The following ADGRV1 variants were observed in gnomAD, a reference collection of about 807,000 sequenced individuals.
The protein encoded by ADGRV1 is adhesion G protein-coupled receptor V1.
Under a neutral mutation model 596.2 loss-of-function variants are expected in ADGRV1, and 359 were observed. The observed-to-expected ratio is 0.60, with a 90% CI of 0.55 to 0.66. The LOEUF (loss-of-function observed/expected upper bound fraction) is 0.66. Ranked by LOEUF, ADGRV1 falls within the 30% of genes least tolerant of loss-of-function variation. The pLI is 0.00. For missense variants in ADGRV1, 7,274 were observed against 7,575.6 expected (o/e 0.96, Z 1.48); for synonymous variants, 2,681 against 2,679.2 (o/e 1.00, Z -0.02).
At chr5:90,625,346 A>G (rs902879721) in intron 6 of ADGRV1, 103 bp downstream of exon 6, 3 of 645,288 alleles carry the variant, frequency 4.6e-6, no homozygotes, top group South Asian at 2.1e-5. Context: ...TCAGCTATAA[A>G]TAGCTGACTG....
At chr5:90,842,675 G>A (rs1224702835) in intron 78 of ADGRV1, among the ~76,000 whole-genome samples, 3 of 151,966 alleles carry the variant, frequency 2.0e-5, no homozygotes, top group Non-Finnish European at 4.4e-5. Context: ...CCGAGATGGT[G>A]CCACTGCTCT....
chr5:90,865,135 CTGAT>C (rs1329151078), intron 83 of ADGRV1, among the ~76,000 whole-genome samples: 1 of 152,068 alleles, frequency 6.6e-6, no homozygotes, highest in Middle Eastern at 3.2e-3. Context: ...GCAGAGGTCT[CTGAT>C]TGGTTTTTTA....
chr5:90,607,755 G>A (rs567490800), intron 1 of ADGRV1, among the ~76,000 whole-genome samples: 2 of 152,220 alleles, frequency 1.3e-5, no homozygotes, highest in African/African-American at 2.4e-5. Context: ...GAACTTTCAA[G>A]TATTATTTTG....
At chr5:90,733,704 A>G (rs549043054) in intron 50 of ADGRV1, among the ~76,000 whole-genome samples, 1 of 152,334 alleles carries the variant, frequency 6.6e-6, no homozygotes, top group African/African-American at 2.4e-5. Flanking sequence ...TGAGTGTAAT[A>G]TGATGTTTTG....
rs1475750383 is a variant in ADGRV1 at position 90,774,286 on chromosome 5, A to C, written c.12386A>C (p.Glu4129Ala). 3 of 1,552,246 alleles carry C rather than the reference A, an allele frequency of 1.9e-6. No homozygotes were observed. In the East Asian group the frequency reaches 6.7e-5, roughly 35 times the overall value. The change falls in exon 60 of 90, where the codon GAA becomes GCA. Residue 4129 changes from glutamate to alanine, a missense_variant. Coordinates refer to ENST00000405460, the MANE Select transcript of ADGRV1 (RefSeq NM_032119.4). ...CAGCTGATATCAATTGATGAGGTAG[A>C]AATATCTCCAGTAAAAGGTAAGAGA... ...TIQLISIDEV[E>A]ISPVKGSASI...
chr5:90,595,537 G>A (rs1223395927), intron 1 of ADGRV1, among the ~76,000 whole-genome samples: 2 of 127,220 alleles, frequency 1.6e-5, no homozygotes, highest in Non-Finnish European at 1.7e-5. Flanking sequence ...CTCACCTCCT[G>A]GACGGGGCGG....
intron 29 of ADGRV1, among the ~76,000 whole-genome samples, chr5:90,689,448 G>A (rs910555994): frequency 2.0e-5 from 3 of 149,782 alleles, no homozygotes; most frequent in South Asian, 2.1e-4. Flanking sequence ...TGATGCTAGC[G>A]TTCCCATATC....
In ADGRV1 at chr5:90,676,127, C is replaced by T. The variant is rs1443548547; in HGVS notation, c.5361C>T (p.Tyr1787=). 1 of 1,604,028 alleles carries T rather than the reference C, an allele frequency of 6.2e-7. No individual in the cohort carries two copies. The highest frequency in any genetic ancestry group is 8.5e-7 in the Non-Finnish European group (1 of 1,173,772). Reference sequence around the variant, plus strand: ...TTCAACCAGGAGAAAGATATAAATACATTTTCATAAACATCACTGATAATT... The same window carrying T: ...TTCAACCAGGAGAAAGATATAAATATATTTTCATAAACATCACTGATAATT... ...LEFQPGERYK[Y]IFINITDNSI... is the part of the protein sequence containing the mutation. Residue 1787 remains tyrosine, a synonymous_variant, in exon 25 of 90, where the codon TAC becomes TAT. Transcript: ENST00000405460.
intron 83 of ADGRV1, among the ~76,000 whole-genome samples, chr5:90,901,961 G>A (rs1771888429): frequency 6.6e-6 from 1 of 152,062 alleles, no homozygotes. Flanking sequence ...GAAGCAGAGA[G>A]GACAGTTTAG....
chr5:90,631,705 T>C (rs1159287751), intron 9 of ADGRV1, among the ~76,000 whole-genome samples: 4 of 152,192 alleles, frequency 2.6e-5, no homozygotes, highest in African/African-American at 9.6e-5. Context: ...GTGTCTGGTT[T>C]GTCCTGTGGC....
At chr5:90,760,296 A>G (rs1369293144) in intron 58 of ADGRV1, among the ~76,000 whole-genome samples, 2 of 148,986 alleles carry the variant, frequency 1.3e-5, no homozygotes, top group Non-Finnish European at 3.0e-5. Context: ...AAAAAAAAGG[A>G]AAGAAAGTCT....
chr5:90,619,283 A>G, intron 4 of ADGRV1, 102 bp downstream of exon 4: 1 of 508,666 alleles, frequency 2.0e-6, no homozygotes, highest in South Asian at 4.2e-5. Context: ...CTGTGTTTTG[A>G]TATTTAAATA....
At chr5:91,019,814 T>C (rs1783484851) in intron 85 of ADGRV1, among the ~76,000 whole-genome samples, 1 of 152,042 alleles carries the variant, frequency 6.6e-6, no homozygotes, top group Non-Finnish European at 1.5e-5. Context: ...TCAGATTCAC[T>C]ATGATTATTT....
intron 50 of ADGRV1, 68 bp from the exon 51 acceptor site, chr5:90,744,978 C>T (rs962335922): frequency 2.4e-5 from 26 of 1,092,584 alleles, no homozygotes; most frequent in African/African-American, 7.8e-5. Flanking sequence ...GCTTTGGAAC[C>T]GATGCAGGGA....
chr5:90,574,503 C>A (rs1453152432), intron 1 of ADGRV1, among the ~76,000 whole-genome samples: 4 of 152,000 alleles, frequency 2.6e-5, no homozygotes, highest in African/African-American at 9.7e-5. Flanking sequence ...GATTTTGTAT[C>A]CTGAAAGTTT....
At chr5:90,996,179 C>T (rs1034779040) in intron 85 of ADGRV1, among the ~76,000 whole-genome samples, 2 of 152,088 alleles carry the variant, frequency 1.3e-5, no homozygotes, top group Non-Finnish European at 2.9e-5. Context: ...AAAATGCCTC[C>T]TAGGCATTTC....
intron 83 of ADGRV1, among the ~76,000 whole-genome samples, chr5:90,943,939 A>G (rs1025849187): frequency 6.6e-6 from 1 of 152,204 alleles, no homozygotes. Context: ...GGTTCCAGGT[A>G]TACATGAATT....
chr5:90,873,508 C>A (rs1331990325), intron 83 of ADGRV1, among the ~76,000 whole-genome samples: 1 of 152,108 alleles, frequency 6.6e-6, no homozygotes, highest in Non-Finnish European at 1.5e-5. Flanking sequence ...AGCCCCAACC[C>A]CCCGTTTATT....
At chr5:90,574,424 G>A (rs996305562) in intron 1 of ADGRV1, among the ~76,000 whole-genome samples, 1 of 151,954 alleles carries the variant, frequency 6.6e-6, no homozygotes, top group African/African-American at 2.4e-5. Context: ...ATTATAGGTG[G>A]GATTCTGTTC....
Sources: allele counts gnomAD v4.1 joint callset (sites outside exome capture counted in the v4.1 genomes callset), GRCh38; gene constraint gnomAD v4.1.1; transcripts MANE v1.5; gene names NCBI Gene and HGNC (gene_info 2026-07-23, HGNC 2026-07-21).